AFF2: variants seen among roughly 807,000 people sequenced by gnomAD.
AFF2 encodes AF4/FMR2 family member 2.
AFF2 carries 14 observed loss-of-function variants against 76.9 expected under a neutral mutation model. The observed-to-expected ratio is 0.18, with a 90% confidence interval of 0.12 to 0.28. The LOEUF (loss-of-function observed/expected upper bound fraction) is 0.28. AFF2 is among the 10% of genes least tolerant of loss of function. AFF2 has a pLI of 1.00. For synonymous variants in AFF2, 398 were observed against 366.7 expected (o/e 1.09, Z -0.98); for missense variants, 868 against 1,001.1 (o/e 0.87, Z 1.79).
At chrX:148,625,422 T>C (rs1356870246) in intron 1 of AFF2, among the ~76,000 whole-genome samples, 1 of 110,956 alleles carries the variant, frequency 9.0e-6, no homozygotes, top group Admixed American at 9.7e-5. Context: ...CAAAGGTCAG[T>C]GCAGCAAAAG....
At chrX:148,791,480 T>G (rs1557269930) in intron 3 of AFF2, among the ~76,000 whole-genome samples, 1 of 112,262 alleles carries the variant, frequency 8.9e-6, no homozygotes, top group African/African-American at 3.2e-5. Context: ...GAGCTACAAT[T>G]CAAGAAGAAA....
At chrX:148,882,221 T>A (rs1300540386) in intron 7 of AFF2, among the ~76,000 whole-genome samples, 1 of 111,789 alleles carries the variant, frequency 8.9e-6, no homozygotes, top group Non-Finnish European at 1.9e-5. Flanking sequence ...CAAAGAGCCC[T>A]TGGAGGCCAC....
intron 7 of AFF2, among the ~76,000 whole-genome samples, chrX:148,849,880 G>A (rs782510202): frequency 8.9e-6 from 1 of 112,056 alleles, no homozygotes; most frequent in Non-Finnish European, 1.9e-5. Flanking sequence ...TTTGCAGTCA[G>A]GTGTGATCTT....
rs1254560298 is a variant in AFF2, at chrX:148,702,811, A to G, written c.1041+40043A>G. Among the ~76,000 whole-genome samples the G allele has an allele frequency of 6.2e-5, 7 of 112,407 alleles. No individual in the cohort carries two copies. In the Admixed American group the frequency reaches 6.6e-4, roughly 11 times the overall value. On this transcript the variant is annotated intron_variant, in intron 3 of 20. Transcript: ENST00000370460. ...GGAAAGGGCAGACAGTCTGCATCAA[A>G]GCTTTGGATTGTTGAGAAACAATAG... is the stretch of plus-strand genomic sequence containing the variant.
intron 19 of AFF2, among the ~76,000 whole-genome samples, chrX:148,984,855 C>T (rs782032853): frequency 2.0e-4 from 22 of 110,889 alleles, no homozygotes; most frequent in Non-Finnish European, 1.1e-4. Context: ...AAAGTAAGGC[C>T]AAGCAAGGAG....
intron 9 of AFF2, chrX:148,904,499 C>A: frequency 3.0e-6 from 1 of 328,511 alleles, no homozygotes; most frequent in Non-Finnish European, 5.2e-6. Flanking sequence ...TTAATATGTG[C>A]AATCCATGAA....
intron 1 of AFF2, among the ~76,000 whole-genome samples, chrX:148,518,977 A>T (rs1557234182): frequency 8.9e-6 from 1 of 112,015 alleles, no homozygotes; most frequent in East Asian, 2.8e-4. Context: ...TCAAAATTAA[A>T]ATTTTTTTCT....
chrX:148,859,798 G>A (rs782060255), intron 7 of AFF2, among the ~76,000 whole-genome samples: 168 of 110,729 alleles, frequency 1.5e-3, no homozygotes, highest in African/African-American at 3.3e-3. Context: ...GTTTTATGTC[G>A]TTTATTCTTT....
chrX:148,726,719 T>C (rs1441540548), intron 3 of AFF2, among the ~76,000 whole-genome samples: 2 of 112,092 alleles, frequency 1.8e-5, no homozygotes, highest in African/African-American at 6.5e-5. Context: ...GGTGGCTTCC[T>C]TCTTAAGTTT....
intron 9 of AFF2, among the ~76,000 whole-genome samples, chrX:148,909,523 A>G (rs1362461196): frequency 8.9e-6 from 1 of 111,837 alleles, no homozygotes; most frequent in Admixed American, 9.5e-5. Flanking sequence ...TGCTTCTTTC[A>G]TTGCCATAGG....
At chrX:148,505,979 G>A (rs2124184752) in intron 1 of AFF2, among the ~76,000 whole-genome samples, 1 of 111,137 alleles carries the variant, frequency 9.0e-6, no homozygotes, top group Non-Finnish European at 1.9e-5. Context: ...GTGTGTGTGT[G>A]TGTGTGTTAC....
At chrX:148,799,874 T>C (rs1557270798) in intron 3 of AFF2, among the ~76,000 whole-genome samples, 1 of 111,888 alleles carries the variant, frequency 8.9e-6, no homozygotes, top group East Asian at 2.8e-4. Context: ...TTTTTTTTAC[T>C]TCTCTTTAAT....
intron 3 of AFF2, among the ~76,000 whole-genome samples, chrX:148,785,822 G>A (rs782598840): frequency 8.9e-6 from 1 of 112,037 alleles, no homozygotes; most frequent in South Asian, 3.7e-4. Context: ...AAATCAGTCT[G>A]TGACTAAAAA....
chrX:148,803,823 C>T (rs1400705248), intron 3 of AFF2, among the ~76,000 whole-genome samples: 3 of 110,479 alleles, frequency 2.7e-5, no homozygotes, highest in Non-Finnish European at 5.7e-5. Flanking sequence ...GCATGTCACC[C>T]ACCCCTCCTC....
chrX:148,885,788 C>T, intron 7 of AFF2, 101 bp from the exon 8 acceptor site: 1 of 702,855 alleles, frequency 1.4e-6, no homozygotes, highest in Non-Finnish European at 2.3e-6. Flanking sequence ...TTGCAGCTGT[C>T]AGATTGTAGC....
At chrX:148,748,924 T>C (rs782448415) in intron 3 of AFF2, among the ~76,000 whole-genome samples, 12 of 111,931 alleles carry the variant, frequency 1.1e-4, no homozygotes, top group Non-Finnish European at 2.1e-4. Context: ...GGAGTTTGCA[T>C]AGAATGGTTT....
chrX:148,726,627 C>A (rs1020390634), intron 3 of AFF2, among the ~76,000 whole-genome samples: 2 of 111,874 alleles, frequency 1.8e-5, no homozygotes, highest in Non-Finnish European at 3.8e-5. Context: ...CAGTATTGAT[C>A]TCAGTCGTGT....
At chrX:148,517,420 T>C (rs782557071) in intron 1 of AFF2, among the ~76,000 whole-genome samples, 4 of 111,783 alleles carry the variant, frequency 3.6e-5, no homozygotes, top group Non-Finnish European at 7.5e-5. Flanking sequence ...TCATCTGTCA[T>C]ATAAGGAAAT....
At chrX:148,674,879 G>A (rs1350356671) in intron 3 of AFF2, among the ~76,000 whole-genome samples, 1 of 112,749 alleles carries the variant, frequency 8.9e-6, no homozygotes, top group Non-Finnish European at 1.9e-5. Flanking sequence ...TGGGTGTGGG[G>A]AGGTAGAGAT....
Sources: allele counts gnomAD v4.1 joint callset (sites outside exome capture counted in the v4.1 genomes callset), GRCh38; gene constraint gnomAD v4.1.1; transcripts MANE v1.5; gene names NCBI Gene and HGNC (gene_info 2026-07-23, HGNC 2026-07-21).